Variants in SLC3A2 observed in about 807,000 individuals in gnomAD.
SLC3A2 encodes the protein solute carrier family 3 member 2, also known as amino acid transporter heavy chain SLC3A2.
Under a neutral mutation model 48.5 loss-of-function variants are expected in SLC3A2, and 32 were observed. The observed-to-expected ratio is 0.66, with a 90% CI of 0.50 to 0.89. The LOEUF is 0.89. Ranked by LOEUF, SLC3A2 falls within the 40% of genes least tolerant of loss-of-function variation. SLC3A2 has a pLI of 0.00. For missense variants in SLC3A2, 587 were observed against 680.7 expected (o/e 0.86, Z 1.53); for synonymous variants, 277 against 288.8 (o/e 0.96, Z 0.41).
At chr11:62,870,374 G>GTT (rs1022894939) in intron 1 of SLC3A2, among the ~76,000 whole-genome samples, 1 of 149,920 alleles carries the variant, frequency 6.7e-6, no homozygotes, top group African/African-American at 2.5e-5. Context: ...TAGAGATGGG[G>GTT]TTTTTTTTAC....
upstream of SLC3A2, among the ~76,000 whole-genome samples, chr11:62,879,946 A>G (rs2085611464): frequency 6.6e-6 from 1 of 152,222 alleles, no homozygotes; most frequent in African/African-American, 2.4e-5. Context: ...GTGAAGTGAT[A>G]GGGAGACAGG....
At chr11:62,863,906 A>G (rs2085426286) in intron 1 of SLC3A2, among the ~76,000 whole-genome samples, 1 of 152,162 alleles carries the variant, frequency 6.6e-6, no homozygotes. Flanking sequence ...CATAAGTTCT[A>G]CACTGAATCT....
chr11:62,857,115 G>T (rs2085338900), intron 1 of SLC3A2, among the ~76,000 whole-genome samples: 1 of 148,030 alleles, frequency 6.8e-6, no homozygotes, highest in Non-Finnish European at 1.5e-5. Context: ...GAGCCACCGC[G>T]CCCGGCCAAA....
intron 1 of SLC3A2, among the ~76,000 whole-genome samples, chr11:62,865,706 T>A (rs2085445536): frequency 6.6e-6 from 1 of 152,128 alleles, no homozygotes; most frequent in African/African-American, 2.4e-5. Flanking sequence ...TAGCATCCTT[T>A]TTGGCTATCC....
At chr11:62,873,741 C>T (rs2085542001) in intron 1 of SLC3A2, among the ~76,000 whole-genome samples, 1 of 152,280 alleles carries the variant, frequency 6.6e-6, no homozygotes, top group African/African-American at 2.4e-5. Context: ...TCCCAAATTA[C>T]AGGCGTGAGC....
intron 1 of SLC3A2, among the ~76,000 whole-genome samples, chr11:62,871,836 T>C (rs960376813): frequency 2.9e-4 from 44 of 152,098 alleles, no homozygotes; most frequent in Non-Finnish European, 5.7e-4. Flanking sequence ...TTAAGATTTG[T>C]ATTAGAATTG....
chr11:62,869,056 G>A (rs2085482781), intron 1 of SLC3A2, among the ~76,000 whole-genome samples: 1 of 151,610 alleles, frequency 6.6e-6, no homozygotes, highest in African/African-American at 2.4e-5. Context: ...GCACCACCAC[G>A]CCCCGCTAAT....
chr11:62,888,225 G>T lies in SLC3A2; in HGVS notation c.1227+7G>T. The T allele has an allele frequency of 6.2e-7, 1 of 1,613,936 alleles. No homozygotes were observed. Among genetic ancestry groups the T allele is most frequent in the Non-Finnish European group, 8.5e-7 (1 of 1,179,798 alleles). ...TGCCAACATGACTGTGAAGGTAAGA[G>T]TTCTAGATGGGTAGAAACTGACCGG... On this transcript the variant is annotated splice_region_variant and intron_variant, in intron 8 of 8. Transcript: ENST00000338663.
chr11:62,885,695 C>A (rs1318059249), intron 7 of SLC3A2, 87 bp downstream of exon 7: 7 of 1,462,880 alleles, frequency 4.8e-6, no homozygotes, highest in Non-Finnish European at 6.6e-6. Flanking sequence ...TAGACGTGAG[C>A]CTTGGGGTGA....
At position 62,881,640 on chromosome 11, in the gene SLC3A2, C is replaced by G. The variant is rs756460371; in HGVS notation, c.424+193C>G. The G allele has an allele frequency of 3.9e-5, 37 of 953,114 alleles. No homozygotes were observed. Among genetic ancestry groups the G allele is most frequent in the Admixed American group, 8.8e-5 (3 of 33,988 alleles). The allele number at this position is 953,114 out of a possible 1,614,324, so 59.0% of individuals were successfully genotyped here. A position where few individuals can be genotyped will look rare whatever the true frequency, so the allele number is the denominator to read the frequency against. On this transcript the variant is annotated intron_variant, in intron 1 of 8. Transcript: ENST00000338663. The surrounding 1 kb of genome is among the most constrained non-coding windows in gnomAD (Gnocchi z 4.0). ...TTCTTTGAAGAAAGCCGACCCGCCCCTCACTCCGTCACGAGGGTGGGTGAC... is the reference window on the plus strand; with the variant it reads ...TTCTTTGAAGAAAGCCGACCCGCCCGTCACTCCGTCACGAGGGTGGGTGAC...
chr11:62,861,305 G>A (rs1421251794), intron 1 of SLC3A2, among the ~76,000 whole-genome samples: 1 of 152,048 alleles, frequency 6.6e-6, no homozygotes, highest in African/African-American at 2.4e-5. Flanking sequence ...AACAAATAGA[G>A]GCCCTGTCTC....
At chr11:62,872,270 T>C (rs891498937) in intron 1 of SLC3A2, among the ~76,000 whole-genome samples, 1 of 152,160 alleles carries the variant, frequency 6.6e-6, no homozygotes, top group African/African-American at 2.4e-5. Flanking sequence ...ACGCCTCTAA[T>C]GCTAGCACTT....
At chr11:62,869,206 G>A (rs1316600048) in intron 1 of SLC3A2, among the ~76,000 whole-genome samples, 1 of 151,812 alleles carries the variant, frequency 6.6e-6, no homozygotes, top group African/African-American at 2.4e-5. Flanking sequence ...GCCTGAATTG[G>A]CTATTTCTAT....
In SLC3A2 at chr11:62,885,255, G is replaced by T. The variant is rs201911536; in HGVS notation, c.897G>T (p.Leu299Phe). ...TCGAATCCAACAAAGACTTGCTGTT[G>T]ACTAGCTCATACCTGTCTGATTCTG... ...SLLESNKDLL[L>F]TSSYLSDSGS... is the part of the protein sequence containing the mutation. The change falls in exon 6 of 9, where the codon TTG (leucine) becomes TTT (phenylalanine). Residue 299 changes from leucine to phenylalanine, a missense_variant. Physicochemically the swap from Leu to Phe is conservative, Grantham distance 22. Transcript: ENST00000338663. The T allele has an allele frequency of 6.0e-5, 97 of 1,614,066 alleles. No individual in the cohort carries two copies. The highest frequency in any genetic ancestry group is 8.1e-5 in the Non-Finnish European group (96 of 1,180,052).
upstream of SLC3A2, among the ~76,000 whole-genome samples, chr11:62,878,367 G>A (rs1270336701): frequency 6.6e-6 from 1 of 151,950 alleles, no homozygotes; most frequent in African/African-American, 2.4e-5. Context: ...GCTCACTGCA[G>A]CCTCACAAAC....
rs1308150246 is a variant in SLC3A2, at chr11:62,865,786, T to C, written c.112+9405T>C. Among the ~76,000 whole-genome samples the C allele has an allele frequency of 2.6e-5, 4 of 152,100 alleles. No homozygotes were observed. The East Asian group carries it at 7.7e-4, about 29-fold the overall frequency. ...CTCTGTGAATCAAACGCCTCATGGC[T>C]ACCCCTGCAACATTGACAGTTTTAT... On this transcript the variant is annotated intron_variant, in intron 1 of 9. Transcript: ENST00000377889.
rs2085644747 is a variant in SLC3A2 at position 62,881,863 on chromosome 11, C to A, written c.425-30C>A. 6.2e-7 allele frequency: 1 copy of A among 1,608,472 alleles called. No homozygotes were observed. The highest frequency in any genetic ancestry group is 1.3e-5 in the African/African-American group (1 of 74,874). On this transcript the variant is annotated intron_variant, in intron 1 of 8. Coordinates refer to ENST00000338663, the MANE Select transcript of SLC3A2 (RefSeq NM_001013251.3). The surrounding 1 kb of genome is among the most constrained non-coding windows in gnomAD (Gnocchi z 4.0). Reference sequence around the variant, plus strand: ...GGAGGTCAGGGGCCTCTCAGAGGGGCCTCACTTGTTAACCCAGCCCCCATT... The same window carrying A: ...GGAGGTCAGGGGCCTCTCAGAGGGGACTCACTTGTTAACCCAGCCCCCATT...
chr11:62,883,725 T>G (rs2085671485), intron 3 of SLC3A2: 2 of 258,618 alleles, frequency 7.7e-6, no homozygotes, highest in Admixed American at 4.6e-5. Context: ...AAGTTGCTGA[T>G]GAGGGAATGT....
chr11:62,864,305 TG>T (rs761908727), intron 1 of SLC3A2, among the ~76,000 whole-genome samples: 3 of 128,964 alleles, frequency 2.3e-5, no homozygotes, highest in South Asian at 2.2e-4. Context: ...GTTAAATACT[TG>T]GTTTTTTTTT....
Sources: allele counts gnomAD v4.1 joint callset (sites outside exome capture counted in the v4.1 genomes callset), GRCh38; gene constraint gnomAD v4.1.1; non-coding constraint Gnocchi (gnomAD v3.1); transcripts MANE v1.5; gene names NCBI Gene and HGNC (gene_info 2026-07-23, HGNC 2026-07-21).